EXOC4: variants seen among roughly 807,000 people sequenced by gnomAD.
The protein encoded by EXOC4 is SEC8-like 1.
In EXOC4, 71 loss-of-function variants were observed where a neutral mutation model predicts 107.2. That is an observed-to-expected ratio of 0.66 (90% confidence interval 0.55 to 0.81). The LOEUF (loss-of-function observed/expected upper bound fraction) is 0.81, where lower values mean the gene tolerates loss of function less well. Among genes scored for constraint, EXOC4 ranks in the 30% least tolerant of loss-of-function variants. The pLI is 0.00. For missense variants in EXOC4, 1,108 were observed against 1,189.6 expected, an observed-to-expected ratio of 0.93 and a Z score of 1.01; for synonymous variants, 456 against 441.2, an observed-to-expected ratio of 1.03 and a Z score of -0.42.
intron 5 of EXOC4, among the ~76,000 whole-genome samples, chr7:133,336,981 C>T (rs1424687177): frequency 2.6e-5 from 4 of 152,102 alleles, no homozygotes; most frequent in African/African-American, 9.7e-5. Flanking sequence ...GATCCACCCT[C>T]CTCAGCCTCC....
chr7:133,260,281 T>G (rs536436163), intron 1 of EXOC4, among the ~76,000 whole-genome samples: 41 of 152,218 alleles, frequency 2.7e-4, no homozygotes, highest in Middle Eastern at 3.4e-3. Flanking sequence ...TTTTTTTTTT[T>G]TTGTTTTTTT....
At chr7:133,733,525 A>G (rs1346265785) in intron 10 of EXOC4, 2 of 152,040 alleles carry the variant, frequency 1.3e-5, no homozygotes, top group African/African-American at 2.4e-5. Flanking sequence ...AAAAAAGGAA[A>G]ATGGATCAAC....
intron 9 of EXOC4, among the ~76,000 whole-genome samples, chr7:133,504,034 C>T (rs1010091208): frequency 2.6e-4 from 39 of 152,072 alleles, no homozygotes; most frequent in Non-Finnish European, 1.5e-4. Context: ...TACACACACA[C>T]ACACTCACAA....
At chr7:133,865,696 G>A (rs971179899) in intron 11 of EXOC4, among the ~76,000 whole-genome samples, 45 of 152,162 alleles carry the variant, frequency 3.0e-4, no homozygotes, top group African/African-American at 9.4e-4. Context: ...GGGGAAGCAG[G>A]CACATCTTAC....
At chr7:133,582,079 G>A (rs1030455962) in intron 9 of EXOC4, among the ~76,000 whole-genome samples, 1 of 152,166 alleles carries the variant, frequency 6.6e-6, no homozygotes, top group African/African-American at 2.4e-5. Flanking sequence ...TGCAGTTTGA[G>A]ATGAGATATG....
downstream of EXOC4, among the ~76,000 whole-genome samples, chr7:134,070,146 G>A (rs1796252726): frequency 6.6e-6 from 1 of 152,230 alleles, no homozygotes; most frequent in African/African-American, 2.4e-5. Context: ...TTTGGAGGGA[G>A]GGTAATGAGG....
chr7:134,090,609 C>T, the EXOC4 span, among the ~76,000 whole-genome samples: 10 of 152,202 alleles, frequency 6.6e-5, no homozygotes, highest in Middle Eastern at 6.8e-3. Flanking sequence ...GTGGGGAAGG[C>T]GAAGAGCTCA....
chr7:133,445,082 C>T (rs1392061135), intron 7 of EXOC4, among the ~76,000 whole-genome samples: 1 of 151,946 alleles, frequency 6.6e-6, no homozygotes, highest in Non-Finnish European at 1.5e-5. Context: ...CGTATGTGTA[C>T]TGATTGACAA....
intron 7 of EXOC4, among the ~76,000 whole-genome samples, chr7:133,451,757 A>C (rs1161112535): frequency 6.6e-6 from 1 of 152,112 alleles, no homozygotes; most frequent in African/African-American, 2.4e-5. Flanking sequence ...ATGGATTCTC[A>C]ATTCTGATGT....
chr7:133,768,955 A>G (rs1212057825), intron 10 of EXOC4, among the ~76,000 whole-genome samples: 1 of 151,984 alleles, frequency 6.6e-6, no homozygotes. Flanking sequence ...TTTCAGAATG[A>G]ATGAGAAATT....
chr7:133,717,093 T>C (rs1481510243), intron 10 of EXOC4, among the ~76,000 whole-genome samples: 1 of 152,218 alleles, frequency 6.6e-6, no homozygotes, highest in Non-Finnish European at 1.5e-5. Context: ...AAAATTGGTA[T>C]CCCGAATAGA....
intron 7 of EXOC4, among the ~76,000 whole-genome samples, chr7:133,434,612 G>A (rs970532033): frequency 6.6e-6 from 1 of 152,128 alleles, no homozygotes; most frequent in Non-Finnish European, 1.5e-5. Context: ...GGAACTGTTG[G>A]CAACATTTAT....
At chr7:133,786,890 T>C (rs545934765) in intron 10 of EXOC4, among the ~76,000 whole-genome samples, 2 of 152,354 alleles carry the variant, frequency 1.3e-5, no homozygotes, top group South Asian at 4.1e-4. Flanking sequence ...TCTGCTATGC[T>C]CAGAGTATTG....
intron 7 of EXOC4, among the ~76,000 whole-genome samples, chr7:133,447,950 TAGAG>T (rs1307559713): frequency 6.6e-6 from 1 of 152,222 alleles, no homozygotes; most frequent in Non-Finnish European, 1.5e-5. Context: ...TTCTTCCCTT[TAGAG>T]AGAAAGATGT....
At chr7:134,069,696 C>T (rs775281323), downstream of EXOC4, among the ~76,000 whole-genome samples, 1 of 152,072 alleles carries the variant, frequency 6.6e-6, no homozygotes, top group Non-Finnish European at 1.5e-5. Context: ...ACCATGTTGG[C>T]CAGGCTGGTC....
chr7:133,341,195 C>T (rs1216140717), intron 5 of EXOC4, among the ~76,000 whole-genome samples: 2 of 152,154 alleles, frequency 1.3e-5, no homozygotes. Context: ...CTTAGCACCA[C>T]TTTTGCTATA....
intron 17 of EXOC4, 70 bp from the exon 18 acceptor site, chr7:134,064,221 C>G: frequency 1.0e-6 from 1 of 999,016 alleles, no homozygotes; most frequent in Non-Finnish European, 1.4e-6. Flanking sequence ...GTATAGACAG[C>G]GTATTTGTCC....
At chr7:133,820,851 G>A (rs1797504642) in intron 11 of EXOC4, among the ~76,000 whole-genome samples, 1 of 152,108 alleles carries the variant, frequency 6.6e-6, no homozygotes, top group Non-Finnish European at 1.5e-5. Context: ...GAGAACCCCA[G>A]GACACTTTGT....
At chr7:133,874,976 C>G (rs1475657224) in intron 11 of EXOC4, among the ~76,000 whole-genome samples, 1 of 152,196 alleles carries the variant, frequency 6.6e-6, no homozygotes, top group Non-Finnish European at 1.5e-5. Flanking sequence ...CATAAAATGT[C>G]TAAATAACAT....
Sources: allele counts gnomAD v4.1 joint callset (sites outside exome capture counted in the v4.1 genomes callset), GRCh38; gene constraint gnomAD v4.1.1; transcripts MANE v1.5; gene names NCBI Gene and HGNC (gene_info 2026-07-23, HGNC 2026-07-21).